SCARA5: variants seen among roughly 807,000 people sequenced by gnomAD.
SCARA5 encodes scavenger receptor class A, member 5 (putative).
In SCARA5, 45 loss-of-function variants were observed where a neutral mutation model predicts 46.3. That is an observed-to-expected ratio of 0.97 (90% CI 0.76 to 1.24). SCARA5 has a LOEUF of 1.24. Among genes scored for constraint, SCARA5 ranks in the 50% most tolerant of loss-of-function variants. SCARA5 has a pLI of 0.00. For missense variants in SCARA5, 680 were observed against 689.0 expected (o/e 0.99, Z 0.15); for synonymous variants, 333 against 306.5 (o/e 1.09, Z -0.90).
chr8:27,956,068 G>A (rs541936923), intron 3 of SCARA5, among the ~76,000 whole-genome samples: 8 of 152,172 alleles, frequency 5.3e-5, no homozygotes, highest in Admixed American at 6.5e-5. Flanking sequence ...GGGAGGCCAC[G>A]AGAAGGTGGA....
At chr8:27,887,828 T>C (rs1210193840) in intron 7 of SCARA5, among the ~76,000 whole-genome samples, 1 of 152,226 alleles carries the variant, frequency 6.6e-6, no homozygotes, top group South Asian at 2.1e-4. Context: ...CCCCAAGAAG[T>C]AAATGAGCAA....
At chr8:27,966,637 A>G in intron 2 of SCARA5, 95 bp from the exon 3 acceptor site, 1 of 1,340,424 alleles carries the variant, frequency 7.5e-7, no homozygotes. Context: ...TGATGCATGC[A>G]GATGTTCATG....
chr8:27,916,099 C>A (rs1807456685), intron 4 of SCARA5, among the ~76,000 whole-genome samples: 1 of 152,300 alleles, frequency 6.6e-6, no homozygotes, highest in South Asian at 2.1e-4. Flanking sequence ...GAAAATAGAA[C>A]CCCCACTGCA....
At chr8:27,876,172 A>G (rs966735380) in intron 8 of SCARA5, among the ~76,000 whole-genome samples, 38 of 152,200 alleles carry the variant, frequency 2.5e-4, no homozygotes, top group African/African-American at 9.2e-4. Flanking sequence ...GTGCATGCTA[A>G]CTGCTTGACA....
At chr8:27,960,909 A>G (rs1209071502) in intron 3 of SCARA5, among the ~76,000 whole-genome samples, 1 of 152,204 alleles carries the variant, frequency 6.6e-6, no homozygotes, top group Non-Finnish European at 1.5e-5. Context: ...ATGTGTGTGT[A>G]CTGGTTGTGT....
At chr8:27,922,292 G>C in intron 3 of SCARA5, 47 bp from the exon 4 acceptor site, 1 of 1,423,464 alleles carries the variant, frequency 7.0e-7, no homozygotes, top group Middle Eastern at 1.8e-4. Context: ...GGGGAGGAAG[G>C]CCCCGGGTGA....
At chr8:27,932,778 G>T (rs1214776869) in intron 3 of SCARA5, among the ~76,000 whole-genome samples, 1 of 152,228 alleles carries the variant, frequency 6.6e-6, no homozygotes, top group Non-Finnish European at 1.5e-5. Flanking sequence ...ACAGGCACCT[G>T]CCACCATAGC....
intron 2 of SCARA5, 75 bp downstream of exon 2, chr8:27,987,429 G>C: frequency 1.1e-6 from 1 of 939,912 alleles, no homozygotes; most frequent in Non-Finnish European, 1.8e-6. Flanking sequence ...CAATGCCAAG[G>C]TTGGGTGGTG....
chr8:27,889,634 C>A (rs1251533205), intron 7 of SCARA5, among the ~76,000 whole-genome samples: 1 of 152,168 alleles, frequency 6.6e-6, no homozygotes, highest in African/African-American at 2.4e-5. Context: ...TGCAAGATGC[C>A]TTTTGATGGA....
intron 3 of SCARA5, among the ~76,000 whole-genome samples, chr8:27,937,218 A>C (rs1807872675): frequency 6.6e-6 from 1 of 152,212 alleles, no homozygotes; most frequent in African/African-American, 2.4e-5. Context: ...ACCAAGTTCC[A>C]GGAGGTGTAA....
At chr8:27,903,591 T>A (rs1807196176) in intron 7 of SCARA5, 1 of 152,354 alleles carries the variant, frequency 6.6e-6, no homozygotes, top group African/African-American at 2.4e-5. Flanking sequence ...CTATTTGTTT[T>A]AAGTGTCCTT....
At chr8:27,931,723 C>T (rs543310826) in intron 3 of SCARA5, among the ~76,000 whole-genome samples, 4 of 151,860 alleles carry the variant, frequency 2.6e-5, no homozygotes, top group African/African-American at 9.7e-5. Flanking sequence ...TGCAGGGGTG[C>T]GATCTCAGCT....
At chr8:27,895,458 G>A (rs910575161) in intron 7 of SCARA5, among the ~76,000 whole-genome samples, 2 of 152,204 alleles carry the variant, frequency 1.3e-5, no homozygotes, top group Non-Finnish European at 2.9e-5. Flanking sequence ...CTGTGGGTGT[G>A]CTTTGTAAAA....
At chr8:27,918,017 T>C (rs903924849) in intron 4 of SCARA5, among the ~76,000 whole-genome samples, 30 of 152,206 alleles carry the variant, frequency 2.0e-4, no homozygotes, top group African/African-American at 6.5e-4. Context: ...TTTACGAATA[T>C]TGAGTCTCAG....
chr8:27,905,538 A>AGGG (rs1563519490), intron 6 of SCARA5, among the ~76,000 whole-genome samples: 2 of 36,564 alleles, frequency 5.5e-5, no homozygotes, highest in Non-Finnish European at 1.8e-4. Context: ...GGGGGAAAAA[A>AGGG]AAAAGGCAGC....
At chr8:27,984,941 A>G (rs1296068980) in intron 2 of SCARA5, among the ~76,000 whole-genome samples, 1 of 152,062 alleles carries the variant, frequency 6.6e-6, no homozygotes, top group Non-Finnish European at 1.5e-5. Context: ...TCATCCATCC[A>G]TTCATTCATC....
In SCARA5 at chr8:27,948,733, GGAAAAAAC is replaced by G. The variant is rs1808076271; in HGVS notation, c.241+17673_241+17680del. Among the ~76,000 whole-genome samples, 7 of 152,312 alleles carry G rather than the reference GGAAAAAAC, an allele frequency of 4.6e-5. No homozygotes were observed. The South Asian group carries it at 1.5e-3, about 32-fold the overall frequency. On this transcript the variant is annotated intron_variant, in intron 3 of 8. Transcript: ENST00000354914. ...GACTCGCTCCAAGACTGAAAGGGGA[GGAAAAAAC>G]GATTCCAGCCCCAAACGCCTAGTTA...
rs531995090 is a variant in SCARA5, at chr8:27,954,640, G to A, written c.241+11774C>T. Among the ~76,000 whole-genome samples the A allele has an allele frequency of 9.2e-5, 14 of 152,328 alleles. No individual in the cohort carries two copies. In the South Asian group the frequency reaches 2.3e-3, roughly 25 times the overall value. Reference sequence around the variant, plus strand: ...CTTTCCAGCTTTGAGTGATTATGAAGAATGTGGTTGAGTTTTATACATATG... The same window carrying A: ...CTTTCCAGCTTTGAGTGATTATGAAAAATGTGGTTGAGTTTTATACATATG... On this transcript the variant is annotated intron_variant, in intron 3 of 8. Transcript: ENST00000354914.
chr8:27,925,344 A>G lies in SCARA5; in HGVS notation c.242-3099T>C, dbSNP rs908096554. On this transcript the variant is annotated intron_variant, in intron 3 of 8. Transcript: ENST00000354914. ...TCAGAAATAACACCACACATCTACA[A>G]TCATCTGATCTTTGACAAACCTGAC... Among the ~76,000 whole-genome samples the G allele has an allele frequency of 3.9e-5, 6 of 152,202 alleles. No individual in the cohort carries two copies. In the East Asian group the frequency reaches 7.7e-4, roughly 20 times the overall value.
Sources: allele counts gnomAD v4.1 joint callset (sites outside exome capture counted in the v4.1 genomes callset), GRCh38; gene constraint gnomAD v4.1.1; transcripts MANE v1.5; gene names NCBI Gene and HGNC (gene_info 2026-07-23, HGNC 2026-07-21).